The following DCN variants were observed in gnomAD, a reference collection of about 807,000 sequenced individuals.
The protein encoded by DCN is decorin, also known as bone proteoglycan II.
Under a neutral mutation model 36.5 loss-of-function variants are expected in DCN, and 17 were observed. The ratio of observed to expected loss-of-function variants is 0.47; its 90% CI spans 0.32 to 0.70. The LOEUF (loss-of-function observed/expected upper bound fraction) is 0.70, where lower values mean the gene tolerates loss of function less well. DCN is among the 30% of genes least tolerant of loss of function. The probability of loss-of-function intolerance (pLI) is 0.04; values close to 1 mark genes in which losing one functional copy is unlikely to be tolerated. For missense variants in DCN, 389 were observed against 430.1 expected, an observed-to-expected ratio of 0.90 and a Z score of 0.84; for synonymous variants, 163 against 161.4, an observed-to-expected ratio of 1.01 and a Z score of -0.07.
chr12:91,182,617 T>C (rs191730495), intron 1 of DCN, 38 bp downstream of exon 1: 2 of 152,006 alleles, frequency 1.3e-5, no homozygotes, highest in African/African-American at 4.8e-5. Flanking sequence ...GTTTTATTAG[T>C]CTGTAGCAGA....
chr12:91,176,511 T>A (rs1439097329), intron 2 of DCN: 2 of 152,172 alleles, frequency 1.3e-5, no homozygotes, highest in Non-Finnish European at 2.9e-5. Flanking sequence ...ATTTTGTTGT[T>A]GTTGTTGTTG....
chr12:91,151,009 T>G (rs1434457135), intron 7 of DCN: 1 of 153,028 alleles, frequency 6.5e-6, no homozygotes, highest in African/African-American at 2.4e-5. Context: ...AACCAAATAC[T>G]GCATGTTCTC....
rs1880745895 is a variant in DCN, at chr12:91,141,231, G to A, written c.*4827C>T. ...CTAAAAAGTCCTACAGGATGCGATT[G>A]TCATTACCTTTCTGACCTTGTATCA... On this transcript the variant is annotated 3_prime_UTR_variant, in exon 8 of 8. Transcript: ENST00000052754. The A allele has an allele frequency of 6.6e-6, 1 of 152,088 alleles. No homozygotes were observed. Among genetic ancestry groups the A allele is most frequent in the Non-Finnish European group, 1.5e-5 (1 of 68,034 alleles). 9.4% of individuals were successfully genotyped at this position (152,088 alleles called of 1,614,324 possible). A position where few individuals can be genotyped will look rare whatever the true frequency, so the allele number is the denominator to read the frequency against.
chr12:91,150,973 C>T, intron 7 of DCN: 1 of 152,570 alleles, frequency 6.6e-6, no homozygotes, highest in East Asian at 1.9e-4. Flanking sequence ...AGCCATCATC[C>T]TCAGCAAACT....
At chr12:91,158,234 A>T in intron 4 of DCN, 62 bp downstream of exon 4, 1 of 1,042,434 alleles carries the variant, frequency 9.6e-7, no homozygotes, top group Non-Finnish European at 1.5e-6. Flanking sequence ...CTTAAAACCC[A>T]GTTGAAATCT....
intron 2 of DCN, chr12:91,177,771 T>C (rs1883384776): frequency 1.0e-5 from 7 of 688,750 alleles, no homozygotes; most frequent in Non-Finnish European, 1.9e-5. Context: ...GATTACAAAA[T>C]GTCAAAAGTA....
chr12:91,181,103 T>C (rs1868374896), intron 1 of DCN: 1 of 151,972 alleles, frequency 6.6e-6, no homozygotes, highest in African/African-American at 2.4e-5. Flanking sequence ...ATAACTTCAA[T>C]CACCGACCTT....
At chr12:91,168,820 T>C (rs1882747634) in intron 2 of DCN, among the ~76,000 whole-genome samples, 1 of 152,242 alleles carries the variant, frequency 6.6e-6, no homozygotes. Context: ...TCTTACTTTC[T>C]TCAGTGTCTT....
At position 91,182,724 on chromosome 12, in the gene DCN, A is replaced by G. The variant is rs1003602046; in HGVS notation, c.-103T>C. ...GTAATTACACTAAATATTCAGCCCAAGTAAAAGAGTTTGCAGGTGTGGAAA... is the reference window on the plus strand; with the variant it reads ...GTAATTACACTAAATATTCAGCCCAGGTAAAAGAGTTTGCAGGTGTGGAAA... On this transcript the variant is annotated 5_prime_UTR_variant, in exon 1 of 8. Transcript: ENST00000052754. The G allele has an allele frequency of 3.3e-5, 5 of 152,184 alleles. No homozygotes were observed. The highest frequency in any genetic ancestry group is 4.8e-5 in the African/African-American group (2 of 41,554). The allele number at this position is 152,184 out of a possible 1,614,324, so 9.4% of individuals were successfully genotyped here.
At chr12:91,150,438 T>C (rs1284230649) in intron 7 of DCN, among the ~76,000 whole-genome samples, 1 of 152,196 alleles carries the variant, frequency 6.6e-6, no homozygotes, top group East Asian at 1.9e-4. Context: ...AATTATAAAA[T>C]TTCTAGATGT....
intron 5 of DCN, among the ~76,000 whole-genome samples, chr12:91,155,881 G>T (rs1405975856): frequency 6.6e-6 from 1 of 152,144 alleles, no homozygotes; most frequent in Non-Finnish European, 1.5e-5. Flanking sequence ...GCAAGGGGTG[G>T]TAAGAAAGCA....
intron 2 of DCN, among the ~76,000 whole-genome samples, chr12:91,174,923 C>T (rs1883196595): frequency 6.6e-6 from 1 of 152,104 alleles, no homozygotes; most frequent in Non-Finnish European, 1.5e-5. Context: ...AATTATACTA[C>T]CTGGTGACAC....
chr12:91,163,228 G>A (rs1882276246), intron 3 of DCN, among the ~76,000 whole-genome samples: 1 of 152,202 alleles, frequency 6.6e-6, no homozygotes, highest in Admixed American at 6.5e-5. Context: ...TGTTACAGAA[G>A]GTTCTCTTAG....
At position 91,157,125 on chromosome 12, in the gene DCN, T is replaced by G. The variant is rs761253178; in HGVS notation, c.602A>C (p.Lys201Thr). Residue 201 changes from lysine to threonine, a missense_variant, in exon 5 of 8, where the codon AAG (lysine) becomes ACG (threonine). Coordinates refer to ENST00000052754, the MANE Select transcript of DCN (RefSeq NM_001920.5). ...IENGAFQGMK[K>T]LSYIRIADTN... ...ATCAGCAATGCGGATGTAGGAGAGC[T>G]TCTTCATTCCCTGGAAAGCCCCATT... 2 of 1,613,872 alleles carry G rather than the reference T, an allele frequency of 1.2e-6. No individual in the cohort carries two copies. The highest frequency in any genetic ancestry group is 2.2e-5 in the South Asian group (2 of 91,080).
At position 91,142,911 on chromosome 12, in the gene DCN, T is replaced by C. The variant is rs539381964; in HGVS notation, c.*3147A>G. The C allele has an allele frequency of 1.3e-5, 2 of 152,306 alleles. No homozygotes were observed. The highest frequency in any genetic ancestry group is 3.9e-4 in the East Asian group (2 of 5,184). 9.4% of individuals were successfully genotyped at this position (152,306 alleles called of 1,614,324 possible). ...TTAAGTTGTGTCTCCTCCCAGAAGA[T>C]ATGTTCAATATCAAACCCCCAATAC... On this transcript the variant is annotated 3_prime_UTR_variant, in exon 8 of 8. Coordinates refer to ENST00000052754, the MANE Select transcript of DCN (RefSeq NM_001920.5).
At chr12:91,165,682 A>G (rs1882517656) in intron 2 of DCN, among the ~76,000 whole-genome samples, 1 of 152,134 alleles carries the variant, frequency 6.6e-6, no homozygotes, top group Non-Finnish European at 1.5e-5. Flanking sequence ...ATTAACTCAA[A>G]TTAATGTGAT....
chr12:91,167,512 A>T (rs771703043), intron 2 of DCN, among the ~76,000 whole-genome samples: 1 of 151,720 alleles, frequency 6.6e-6, no homozygotes, highest in Non-Finnish European at 1.5e-5. Context: ...TTCTGAGACC[A>T]TCTGAGACCA....
Position 91,151,647 on chromosome 12 carries a change from G to A in DCN, c.885+7C>T, listed in dbSNP as rs184119106. 8.1e-6 allele frequency: 13 copies of A among 1,613,878 alleles called. No homozygotes were observed. In the African/African-American group the frequency reaches 1.6e-4, roughly 20 times the overall value. On this transcript the variant is annotated splice_region_variant and intron_variant, in intron 7 of 7. Transcript: ENST00000052754. Reference sequence around the variant, plus strand: ...TATTCCTCACATAAGCAGTGGCTTTGCATTACCTGGATGTACTTATGCTCT... The same window carrying A: ...TATTCCTCACATAAGCAGTGGCTTTACATTACCTGGATGTACTTATGCTCT...
rs575256313 is a variant in DCN, at chr12:91,171,927, C to T, written c.211+6415G>A. Among the ~76,000 whole-genome samples the T allele has an allele frequency of 1.5e-3, 227 of 151,998 alleles. 2 individuals are homozygous for T. Among genetic ancestry groups the T allele is most frequent in the Middle Eastern group, 3.4e-3 (1 of 294 alleles). ...GTAGTAACAGGAGCATAGTGGTTTC[C>T]TACATTTATTTTTCATTGAGCAGCC... is the stretch of plus-strand genomic sequence containing the variant. On this transcript the variant is annotated intron_variant, in intron 2 of 7. Transcript: ENST00000052754.
Sources: gnomAD v4.1 joint callset for allele counts (sites outside exome capture counted in the v4.1 genomes callset) on GRCh38, gnomAD v4.1.1 for gene constraint, MANE v1.5 for transcripts, NCBI Gene and HGNC (gene_info 2026-07-23, HGNC 2026-07-21) for gene names.